MACO1: variants seen among roughly 807,000 people sequenced by gnomAD.
The protein encoded by MACO1 is macoilin 1, also known as macoilin.
MACO1 carries 14 observed loss-of-function variants against 78.7 expected under a neutral mutation model. The ratio of observed to expected loss-of-function variants is 0.18; its 90% CI spans 0.12 to 0.28. The LOEUF is 0.28. Among genes scored for constraint, MACO1 ranks in the 10% least tolerant of loss-of-function variants. The probability of loss-of-function intolerance (pLI) is 1.00; values close to 1 mark genes in which losing one functional copy is unlikely to be tolerated. For missense variants in MACO1, 501 were observed against 799.0 expected (o/e 0.63, Z 4.50); for synonymous variants, 288 against 291.6 (o/e 0.99, Z 0.12).
rs569504137 is a variant in MACO1 at position 25,462,365 on chromosome 1, T to C, written c.1154+3473T>C. Among the ~76,000 whole-genome samples, 7 of 152,286 alleles carry C rather than the reference T, an allele frequency of 4.6e-5. No homozygotes were observed. In the South Asian group the frequency reaches 1.2e-3, roughly 27 times the overall value. ...TTTGTTGCAAGGGCATATTGCATGA[T>C]GCTGAGCTTTGGGCTTCTATTGATC... On this transcript the variant is annotated intron_variant, in intron 6 of 10. Coordinates refer to ENST00000374343, the MANE Select transcript of MACO1 (RefSeq NM_018202.6).
In MACO1 at chr1:25,485,952, G is replaced by T. The variant is rs1181418323; in HGVS notation, c.1496+157G>T. Among the ~76,000 whole-genome samples the T allele has an allele frequency of 6.6e-6, 1 of 152,192 alleles. No individual in the cohort carries two copies. Among genetic ancestry groups the T allele is most frequent in the African/African-American group, 2.4e-5 (1 of 41,448 alleles). ...TTTTATTAACTGGTTTAAACTCCAT[G>T]TGTGCAAGCTTGCACTATCTTATAA... On this transcript the variant is annotated intron_variant, in intron 8 of 10. Coordinates refer to ENST00000374343, the MANE Select transcript of MACO1 (RefSeq NM_018202.6). This position sits in a 1 kb window ranked among gnomAD's most constrained non-coding sequence, Gnocchi z 4.3.
intron 4 of MACO1, 79 bp from the exon 5 acceptor site, chr1:25,456,574 C>T (rs760361447): frequency 8.5e-6 from 12 of 1,411,300 alleles, no homozygotes; most frequent in African/African-American, 1.5e-5. Context: ...ATTTTTAAGC[C>T]ATAGGTATTC....
intron 6 of MACO1, among the ~76,000 whole-genome samples, chr1:25,477,836 G>T (rs926274937): frequency 2.6e-5 from 4 of 152,200 alleles, no homozygotes; most frequent in African/African-American, 9.7e-5. Flanking sequence ...AGTGGTGTGG[G>T]CTGTAATTCA....
In MACO1 at chr1:25,491,691, T is replaced by C. The variant is rs115340137; in HGVS notation, c.1792+107T>C. 7.2e-3 allele frequency: 6,095 copies of C among 845,062 alleles called. 36 individuals are homozygous for C. The highest frequency in any genetic ancestry group is 8.6e-3 in the Non-Finnish European group (4,673 of 543,248). The allele number at this position is 845,062 out of a possible 1,614,324, so 52.3% of individuals were successfully genotyped here. A position where few individuals can be genotyped will look rare whatever the true frequency, so the allele number is the denominator to read the frequency against. ...TCAACCAAGGGGCATTTCAGTTTTCTCTTCAAGAGTCTTGGTAAGTGCCCA... is the reference window on the plus strand; with the variant it reads ...TCAACCAAGGGGCATTTCAGTTTTCCCTTCAAGAGTCTTGGTAAGTGCCCA... On this transcript the variant is annotated intron_variant, in intron 10 of 10. Coordinates refer to ENST00000374343, the MANE Select transcript of MACO1 (RefSeq NM_018202.6).
At position 25,498,393 on chromosome 1, in the gene MACO1, C is replaced by T; in HGVS notation, c.1922C>T (p.Ser641Phe). The T allele has an allele frequency of 6.2e-7, 1 of 1,614,130 alleles. No homozygotes were observed. Among genetic ancestry groups the T allele is most frequent in the Non-Finnish European group, 8.5e-7 (1 of 1,180,030 alleles). ...SPLSPVSPHYSSKFVETSPSG... is the reference protein window; with the variant it reads ...SPLSPVSPHYFSKFVETSPSG... Reference sequence around the variant, plus strand: ...CTGAGCCCTGTTTCCCCCCACTACTCTTCCAAATTTGTGGAGACCAGCCCC... The same window carrying T: ...CTGAGCCCTGTTTCCCCCCACTACTTTTCCAAATTTGTGGAGACCAGCCCC... Residue 641 changes from serine to phenylalanine, a missense_variant, in exon 11 of 11, where the codon TCT becomes TTT. Transcript: ENST00000374343.
At chr1:25,470,822 G>A (rs541608687) in intron 6 of MACO1, among the ~76,000 whole-genome samples, 34 of 152,238 alleles carry the variant, frequency 2.2e-4, no homozygotes, top group Non-Finnish European at 4.1e-4. Flanking sequence ...GAGGTCAGGA[G>A]TTTGAGACCA....
intron 1 of MACO1, among the ~76,000 whole-genome samples, chr1:25,446,143 T>A (rs1368438020): frequency 6.6e-6 from 1 of 152,196 alleles, no homozygotes; most frequent in East Asian, 1.9e-4. Context: ...TTCTTTAATG[T>A]ACATTTTTAT....
chr1:25,459,624 G>A (rs2043153886), intron 6 of MACO1, among the ~76,000 whole-genome samples: 1 of 151,618 alleles, frequency 6.6e-6, no homozygotes, highest in Non-Finnish European at 1.5e-5. Context: ...ATAGGTGCTT[G>A]CCGCCACGCC....
chr1:25,433,523 G>A (rs2124564956), intron 1 of MACO1, among the ~76,000 whole-genome samples: 1 of 152,148 alleles, frequency 6.6e-6, no homozygotes, highest in Non-Finnish European at 1.5e-5. Flanking sequence ...TTCTGGGGCC[G>A]TGTTGACAGT....
At chr1:25,489,018 A>C (rs1212118766) in intron 8 of MACO1, among the ~76,000 whole-genome samples, 155 bp from the exon 9 acceptor site, 1 of 151,644 alleles carries the variant, frequency 6.6e-6, no homozygotes, top group Admixed American at 6.6e-5. Flanking sequence ...ACGGGGTTTC[A>C]CCATGCTGGT....
chr1:25,494,429 G>A (rs771544784), intron 10 of MACO1, among the ~76,000 whole-genome samples: 49 of 152,276 alleles, frequency 3.2e-4, no homozygotes, highest in Non-Finnish European at 5.9e-4. Flanking sequence ...TGAGCAGTCC[G>A]GCAGCCTTAA....
intron 1 of MACO1, among the ~76,000 whole-genome samples, chr1:25,431,540 C>G (rs1178906335): frequency 6.6e-6 from 1 of 151,666 alleles, no homozygotes; most frequent in African/African-American, 2.4e-5. Context: ...TCCGGGACCT[C>G]TGACTGGCCG....
intron 4 of MACO1, 89 bp downstream of exon 4, chr1:25,454,471 T>TAC (rs1491288217): frequency 0.042 from 5,649 of 134,150 alleles, 464 homozygotes; most frequent in African/African-American, 0.21. Flanking sequence ...TGTGTGTGTG[T>TAC]ATATATATAT....
intron 8 of MACO1, among the ~76,000 whole-genome samples, chr1:25,487,621 C>G (rs1339029615): frequency 6.6e-6 from 1 of 152,150 alleles, no homozygotes; most frequent in African/African-American, 2.4e-5. Flanking sequence ...TTATGATAGC[C>G]CTGAGAAGCA....
intron 1 of MACO1, among the ~76,000 whole-genome samples, chr1:25,436,797 G>T (rs76585745): frequency 7.9e-5 from 12 of 152,328 alleles, no homozygotes; most frequent in African/African-American, 2.9e-4. Context: ...CAAGGCACTT[G>T]TCTTCCCTGG....
At chr1:25,482,088 G>C (rs1414919418) in intron 6 of MACO1, among the ~76,000 whole-genome samples, 1 of 152,132 alleles carries the variant, frequency 6.6e-6, no homozygotes. Flanking sequence ...AGTCTTTGGA[G>C]CTGACAGTTC....
At chr1:25,432,202 C>T (rs1338531085) in intron 1 of MACO1, among the ~76,000 whole-genome samples, 2 of 152,206 alleles carry the variant, frequency 1.3e-5, no homozygotes, top group Non-Finnish European at 2.9e-5. Context: ...CAATTAGCTT[C>T]TCTAGCTGTG....
intron 1 of MACO1, among the ~76,000 whole-genome samples, chr1:25,438,451 A>G (rs1323997356): frequency 6.6e-6 from 1 of 152,238 alleles, no homozygotes; most frequent in Non-Finnish European, 1.5e-5. Context: ...AGGTATTGCC[A>G]TTTTATAGGA....
At chr1:25,455,743 TGAATTTATGTATGACA>T (rs2043113707) in intron 4 of MACO1, among the ~76,000 whole-genome samples, 1 of 152,228 alleles carries the variant, frequency 6.6e-6, no homozygotes, top group Admixed American at 6.5e-5. Context: ...AAATGATTCT[TGAATTTATGTATGACA>T]GAATTTATAT....
Sources: gnomAD v4.1 joint callset for allele counts (sites outside exome capture counted in the v4.1 genomes callset) on GRCh38, gnomAD v4.1.1 for gene constraint, Gnocchi (gnomAD v3.1) non-coding constraint, MANE v1.5 for transcripts, NCBI Gene and HGNC (gene_info 2026-07-23, HGNC 2026-07-21) for gene names.